The following RFC1 variants were observed in gnomAD, a reference collection of about 807,000 sequenced individuals.
RFC1 encodes A1 140 kDa subunit.
A neutral mutation model predicts 137.4 loss-of-function variants in RFC1; 37 were observed. That is an observed-to-expected ratio of 0.27 (90% CI 0.21 to 0.35). RFC1 has a LOEUF of 0.35. Among genes scored for constraint, RFC1 ranks in the 10% least tolerant of loss-of-function variants. The probability of loss-of-function intolerance (pLI) is 1.00; values close to 1 mark genes in which losing one functional copy is unlikely to be tolerated. For synonymous variants in RFC1, 429 were observed against 455.7 expected, an observed-to-expected ratio of 0.94 and a Z score of 0.75; for missense variants, 1,205 against 1,358.5, an observed-to-expected ratio of 0.89 and a Z score of 1.78.
Position 39,303,127 on chromosome 4 carries a change from G to A in RFC1, c.2135C>T (p.Thr712Met), listed in dbSNP as rs142517282. Residue 712 changes from threonine (T) to methionine (M), a missense_variant, in exon 16 of 25, where the codon ACG (threonine) becomes ATG (methionine). Around this residue, in one of 3 missense-constraint regions of RFC1, gnomAD observed 962 missense variants for 1,035.3 expected, o/e 0.93. Coordinates refer to ENST00000349703, the MANE Select transcript of RFC1 (RefSeq NM_002913.5). ...YSNGAASSVSTKHALIMDEVD... is the reference protein window; with the variant it reads ...YSNGAASSVSMKHALIMDEVD... The stretch of plus-strand genomic sequence containing the variant: ...TTCATCCATGATGAGAGCATGTTTC[G>A]TGCTTACTGAAGAGGCTGCTCCATC... 18 of 1,613,632 alleles carry A rather than the reference G, an allele frequency of 1.1e-5. No homozygotes were observed. Among genetic ancestry groups the A allele is most frequent in the South Asian group, 7.7e-5 (7 of 91,078 alleles).
At chr4:39,365,321 C>CCG (rs1741971613) in intron 1 of RFC1, 1 of 333,680 alleles carries the variant, frequency 3.0e-6, no homozygotes, top group Non-Finnish European at 4.3e-6. Flanking sequence ...CACCGCCCCC[C>CCG]CCCAGAATGT....
At chr4:39,299,280 G>A (rs536593567) in intron 21 of RFC1, among the ~76,000 whole-genome samples, 53 of 152,094 alleles carry the variant, frequency 3.5e-4, no homozygotes, top group African/African-American at 7.2e-4. Context: ...ATAAATACAC[G>A]GGTAAATCTC....
At chr4:39,304,768 A>T (rs145400309) in intron 15 of RFC1, 46 bp downstream of exon 15, 12 of 1,061,884 alleles carry the variant, frequency 1.1e-5, no homozygotes, top group Non-Finnish European at 1.8e-5. Flanking sequence ...TGAAATGAAC[A>T]TATTTTTCTT....
intron 2 of RFC1, among the ~76,000 whole-genome samples, chr4:39,347,459 C>A (rs534907850): frequency 3.9e-5 from 6 of 152,310 alleles, no homozygotes; most frequent in East Asian, 3.9e-4. Flanking sequence ...TCTATGTATA[C>A]ACACATACAT....
At chr4:39,304,626 T>C (rs1300984329) in intron 15 of RFC1, among the ~76,000 whole-genome samples, 188 bp downstream of exon 15, 1 of 152,144 alleles carries the variant, frequency 6.6e-6, no homozygotes, top group African/African-American at 2.4e-5. Flanking sequence ...CTTAGAAACC[T>C]CTAAGACCTA....
rs1304628681 is a variant in RFC1 at position 39,303,308 on chromosome 4, A to C, written c.2111-157T>G. ...CAGAGTGTTGTTAAAGAAAAAAAAA[A>C]AAAAAGAATATGCAGAGAAGAGAAA... is the stretch of plus-strand genomic sequence containing the variant. On this transcript the variant is annotated intron_variant, in intron 15 of 24. Transcript: ENST00000349703. The C allele has an allele frequency of 6.7e-6, 4 of 601,174 alleles. 1 individual carries two copies. Among genetic ancestry groups the C allele is most frequent in the Non-Finnish European group, 1.2e-5 (4 of 340,974 alleles). 37.2% of individuals were successfully genotyped at this position (601,174 alleles called of 1,614,324 possible).
At chr4:39,340,175 A>G (rs771192388) in intron 4 of RFC1, among the ~76,000 whole-genome samples, 1 of 152,232 alleles carries the variant, frequency 6.6e-6, no homozygotes, top group Non-Finnish European at 1.5e-5. Flanking sequence ...AACAGTATAC[A>G]TGCTATGCCG....
At chr4:39,307,080 T>A (rs1421053406) in intron 13 of RFC1, among the ~76,000 whole-genome samples, 1 of 152,152 alleles carries the variant, frequency 6.6e-6, no homozygotes, top group Non-Finnish European at 1.5e-5. Context: ...ACTTAGCCCC[T>A]CTGTGCCTGC....
chr4:39,311,987 G>GAA lies in RFC1; in HGVS notation c.1384-440_1384-439dup, dbSNP rs17335125. Among the ~76,000 whole-genome samples, 1,504 of 152,290 alleles carry GAA rather than the reference G, an allele frequency of 9.9e-3. 21 individuals are homozygous for GAA. Among genetic ancestry groups the GAA allele is most frequent in the African/African-American group, 0.032 (1,330 of 41,546 alleles). Reference sequence around the variant, plus strand: ...AATGATGACTGGTCCAAGGCAACCAGAAACGTCTTGGTTCTTCCCAACCTC... The same window carrying GAA: ...AATGATGACTGGTCCAAGGCAACCAGAAAAACGTCTTGGTTCTTCCCAACCTC... On this transcript the variant is annotated intron_variant, in intron 11 of 24. Transcript: ENST00000349703.
intron 4 of RFC1, among the ~76,000 whole-genome samples, chr4:39,340,183 C>T (rs934811561): frequency 1.1e-4 from 16 of 152,092 alleles, no homozygotes; most frequent in Non-Finnish European, 2.1e-4. Flanking sequence ...ACATGCTATG[C>T]CGCAAGAAAA....
Position 39,302,737 on chromosome 4 carries a change from C to A in RFC1, c.2340G>T (p.Lys780Asn). ...GGAAAAAAAATTTCAATCATCATACCTTAATCTGTTCAACCCGAGGTCTTT... is the reference window on the plus strand; with the variant it reads ...GGAAAAAAAATTTCAATCATCATACATTAATCTGTTCAACCCGAGGTCTTT... ...RFQRPRVEQI[K>N]GAMMSIAFKE... Residue 780 changes from lysine (K) to asparagine (N), a missense_variant and splice_region_variant, in exon 17 of 25, where the codon AAG (lysine) becomes AAT (asparagine). Transcript: ENST00000349703. 6.3e-7 allele frequency: 1 copy of A among 1,577,882 alleles called. No individual in the cohort carries two copies. The highest frequency in any genetic ancestry group is 2.0e-5 in the Admixed American group (1 of 50,056).
At chr4:39,328,050 A>G (rs996051311) in intron 4 of RFC1, among the ~76,000 whole-genome samples, 2 of 152,146 alleles carry the variant, frequency 1.3e-5, no homozygotes, top group African/African-American at 4.8e-5. Flanking sequence ...GCAAGAGGAT[A>G]TAAACCCAGG....
intron 4 of RFC1, among the ~76,000 whole-genome samples, chr4:39,332,619 T>C (rs1185263777): frequency 6.6e-6 from 1 of 152,172 alleles, no homozygotes; most frequent in Non-Finnish European, 1.5e-5. Context: ...CTTAGGAAAG[T>C]TTTTCCTTAT....
At chr4:39,315,727 A>G (rs553340319) in intron 10 of RFC1, among the ~76,000 whole-genome samples, 1 of 152,168 alleles carries the variant, frequency 6.6e-6, no homozygotes, top group South Asian at 2.1e-4. Flanking sequence ...TTCAATTATC[A>G]CCAAGTCCCA....
chr4:39,315,611 T>C (rs1739200723), intron 10 of RFC1, among the ~76,000 whole-genome samples: 1 of 152,210 alleles, frequency 6.6e-6, no homozygotes, highest in South Asian at 2.1e-4. Context: ...AACAACGAAC[T>C]CATTATCATC....
At chr4:39,298,033 G>C (rs950453396) in intron 21 of RFC1, among the ~76,000 whole-genome samples, 1 of 152,106 alleles carries the variant, frequency 6.6e-6, no homozygotes, top group African/African-American at 2.4e-5. Context: ...AAAGATTCTG[G>C]GCCAGGTGCA....
At chr4:39,358,086 C>T (rs1741571721) in intron 1 of RFC1, among the ~76,000 whole-genome samples, 1 of 151,868 alleles carries the variant, frequency 6.6e-6, no homozygotes, top group Non-Finnish European at 1.5e-5. Flanking sequence ...ACCAGCCTGA[C>T]CAACATGGAG....
chr4:39,288,709 G>T lies in RFC1; in HGVS notation c.*52C>A. 2 of 1,129,052 alleles carry T rather than the reference G, an allele frequency of 1.8e-6. No homozygotes were observed. The highest frequency in any genetic ancestry group is 1.3e-6 in the Non-Finnish European group (1 of 748,566). The allele number at this position is 1,129,052 out of a possible 1,614,324, so 69.9% of individuals were successfully genotyped here. On this transcript the variant is annotated 3_prime_UTR_variant, in exon 25 of 25. Coordinates refer to ENST00000349703, the MANE Select transcript of RFC1 (RefSeq NM_002913.5). ...AAACAAGGCTTTCTCTAGACCAGCT[G>T]GACTGGTCAGGAGGGAGAGTAAAAA...
intron 15 of RFC1, among the ~76,000 whole-genome samples, chr4:39,303,547 G>A (rs982972486): frequency 3.9e-5 from 6 of 151,964 alleles, no homozygotes; most frequent in African/African-American, 1.5e-4. Context: ...TCCGCCTCCC[G>A]GGTTCAAGCA....
Sources: allele counts gnomAD v4.1 joint callset (sites outside exome capture counted in the v4.1 genomes callset), GRCh38; gene constraint gnomAD v4.1.1; regional missense constraint gnomAD v4.1.1; transcripts MANE v1.5; gene names NCBI Gene and HGNC (gene_info 2026-07-23, HGNC 2026-07-21).